Variants in CFAP69 observed in about 807,000 individuals in gnomAD.
CFAP69 encodes the protein cilia and flagella associated protein 69.
Under a neutral mutation model 123.0 loss-of-function variants are expected in CFAP69, and 92 were observed. That is an observed-to-expected ratio of 0.75 (90% confidence interval 0.63 to 0.89). The LOEUF is 0.89. Among genes scored for constraint, CFAP69 ranks in the 40% least tolerant of loss-of-function variants. The pLI is 0.00. For missense variants in CFAP69, 1,067 were observed against 1,096.9 expected (o/e 0.97, Z 0.39); for synonymous variants, 380 against 364.3 (o/e 1.04, Z -0.49).
At chr7:90,302,966 A>G (rs1004063529) in intron 17 of CFAP69, 2 of 152,008 alleles carry the variant, frequency 1.3e-5, no homozygotes, top group African/African-American at 4.8e-5. Context: ...ATGTTTTTCC[A>G]TTTGTTTGTG....
chr7:90,315,210 G>A (rs1240250704), downstream of CFAP69, among the ~76,000 whole-genome samples: 1 of 152,076 alleles, frequency 6.6e-6, no homozygotes, highest in Non-Finnish European at 1.5e-5. Flanking sequence ...TCCTCAAAGA[G>A]CTAAAAACAG....
intron 1 of CFAP69, among the ~76,000 whole-genome samples, chr7:90,252,491 C>A (rs1314259196): frequency 6.6e-6 from 1 of 151,974 alleles, no homozygotes; most frequent in Non-Finnish European, 1.5e-5. Flanking sequence ...AACATGGCGA[C>A]ACTCTATCTC....
Position 90,261,995 on chromosome 7 carries a change from G to A in CFAP69, c.295G>A (p.Gly99Arg). 1 of 1,602,386 alleles carries A rather than the reference G, an allele frequency of 6.2e-7. No individual in the cohort carries two copies. Among genetic ancestry groups the A allele is most frequent in the Non-Finnish European group, 8.5e-7 (1 of 1,175,524 alleles). ...ATTTAAAATTCTGAATCTGTGTTCA[G>A]GAAAAATAAAAAACCAGCCTCGTTT... is the stretch of plus-strand genomic sequence containing the variant. ...QIFKILNLCS[G>R]KIKNQPRFIE... Residue 99 changes from glycine (G) to arginine (R), a missense_variant, in exon 4 of 23, where the codon GGA becomes AGA. By Grantham distance (125) the Gly-to-Arg change is moderately radical. Coordinates refer to ENST00000389297, the MANE Select transcript of CFAP69 (RefSeq NM_001039706.3).
Position 90,247,982 on chromosome 7 carries a change from C to T in CFAP69, c.120+2438C>T, listed in dbSNP as rs969228006. 2.0e-5 allele frequency among the ~76,000 whole-genome samples: 3 copies of T among 152,174 alleles called. No homozygotes were observed. In the East Asian group the frequency reaches 5.8e-4, roughly 29 times the overall value. ...ACATCATCATTGTCATTGTCATCAT[C>T]CTTTATCCAGGGAACTAGAGCTCAT... On this transcript the variant is annotated intron_variant, in intron 1 of 22. Transcript: ENST00000389297.
chr7:90,320,270 C>T, the CFAP69 span: 3 of 152,254 alleles, frequency 2.0e-5, no homozygotes, highest in Admixed American at 1.3e-4. Flanking sequence ...GTTTAAGTCT[C>T]AAAGTTACTG....
chr7:90,249,480 T>C (rs1056694637), intron 1 of CFAP69, among the ~76,000 whole-genome samples: 3 of 152,172 alleles, frequency 2.0e-5, no homozygotes, highest in African/African-American at 7.2e-5. Flanking sequence ...TCAGATTGTT[T>C]TTCTAGTATT....
At position 90,306,910 on chromosome 7, in the gene CFAP69, A is replaced by C; in HGVS notation, c.2275A>C (p.Ile759Leu). 1 of 1,502,994 alleles carries C rather than the reference A, an allele frequency of 6.7e-7. No individual in the cohort carries two copies. Among genetic ancestry groups the C allele is most frequent in the Non-Finnish European group, 9.2e-7 (1 of 1,091,558 alleles). The allele number at this position is 1,502,994 out of a possible 1,614,324, so 93.1% of individuals were successfully genotyped here. A position where few individuals can be genotyped will look rare whatever the true frequency, so the allele number is the denominator to read the frequency against. ...HRYLDFKIGE[I>L]WNEIYEEIKL... is the part of the protein sequence containing the mutation. ...AACTTTGTTATAACAGATTGGAGAA[A>C]TATGGAATGAAATATATGAAGAAAT... The change falls in exon 20 of 23, where the codon ATA becomes CTA. Residue 759 changes from isoleucine to leucine, a missense_variant. By Grantham distance (5) the Ile-to-Leu change is conservative. Transcript: ENST00000389297.
At chr7:90,245,591 A>T (rs1253815012) in intron 1 of CFAP69, 47 bp downstream of exon 1, 2 of 1,433,246 alleles carry the variant, frequency 1.4e-6, no homozygotes, top group Non-Finnish European at 1.8e-6. Flanking sequence ...GGTGGGAGTG[A>T]AGTCTCGAGA....
the CFAP69 span, chr7:90,316,737 T>G: frequency 5.3e-5 from 8 of 152,350 alleles, no homozygotes; most frequent in South Asian, 1.7e-3. Flanking sequence ...TTGCCCAGTT[T>G]AGCAAATGTT....
At chr7:90,305,522 A>G (rs1276155050) in intron 19 of CFAP69, among the ~76,000 whole-genome samples, 2 of 150,938 alleles carry the variant, frequency 1.3e-5, no homozygotes, top group Non-Finnish European at 3.0e-5. Context: ...CCTCCCAAGT[A>G]GCTGGGATGA....
Position 90,268,275 on chromosome 7 carries a change from C to T in CFAP69, c.434-11C>T. On this transcript the variant is annotated splice_polypyrimidine_tract_variant and intron_variant, in intron 5 of 22. Coordinates refer to ENST00000389297, the MANE Select transcript of CFAP69 (RefSeq NM_001039706.3). ...GTGTTGTTAAATAGCACCTGTTTATCTTTCTGGCAGGTGACTTAATGAAAA... is the reference window on the plus strand; with the variant it reads ...GTGTTGTTAAATAGCACCTGTTTATTTTTCTGGCAGGTGACTTAATGAAAA... The T allele has an allele frequency of 6.3e-7, 1 of 1,574,826 alleles. No individual in the cohort carries two copies. Among genetic ancestry groups the T allele is most frequent in the Non-Finnish European group, 8.7e-7 (1 of 1,152,260 alleles).
chr7:90,269,470 T>C (rs12154983), intron 6 of CFAP69, among the ~76,000 whole-genome samples: 6,784 of 152,218 alleles, frequency 0.045, 198 homozygotes, highest in South Asian at 0.11. Flanking sequence ...GAAGAAAACC[T>C]AAAGACTGCC....
chr7:90,268,339 A>G lies in CFAP69; in HGVS notation c.487A>G (p.Ile163Val). 1 of 1,610,378 alleles carries G rather than the reference A, an allele frequency of 6.2e-7. No individual in the cohort carries two copies. The highest frequency in any genetic ancestry group is 8.5e-7 in the Non-Finnish European group (1 of 1,178,706). The change falls in exon 6 of 23, where the codon ATT becomes GTT. Residue 163 changes from isoleucine to valine, a missense_variant. Coordinates refer to ENST00000389297, the MANE Select transcript of CFAP69 (RefSeq NM_001039706.3). ...SELRIQICKCIVDFYHAEPPK... is the reference protein window; with the variant it reads ...SELRIQICKCVVDFYHAEPPK... ...ATTGAGGATACAAATTTGTAAGTGT[A>G]TTGTTGATTTTTATCATGCAGAACC...
intron 11 of CFAP69, among the ~76,000 whole-genome samples, chr7:90,279,202 A>G (rs965828911): frequency 6.6e-6 from 1 of 152,142 alleles, no homozygotes; most frequent in Non-Finnish European, 1.5e-5. Flanking sequence ...TATTCACTGT[A>G]GTCATTACCT....
intron 14 of CFAP69, 125 bp downstream of exon 14, chr7:90,286,524 C>CT: frequency 6.3e-6 from 6 of 950,140 alleles, no homozygotes; most frequent in African/African-American, 1.7e-5. Context: ...ATAATTAGAG[C>CT]ATAATTATAT....
In CFAP69 at chr7:90,282,907, A is replaced by T; in HGVS notation, c.1388A>T (p.His463Leu). The T allele has an allele frequency of 6.7e-7, 1 of 1,502,178 alleles. No homozygotes were observed. The highest frequency in any genetic ancestry group is 8.9e-7 in the Non-Finnish European group (1 of 1,127,888). The allele number at this position is 1,502,178 out of a possible 1,614,324, so 93.1% of individuals were successfully genotyped here. ...TTCTCCACAGATCCGTTTTTCAGTC[A>T]TGGTAACAGTTTTCATGGTACAGGT... is the stretch of plus-strand genomic sequence containing the variant. ...WCESEDPFFS[H>L]GNSFHGTGGR... is the part of the protein sequence containing the mutation. The change falls in exon 13 of 23, where the codon CAT (histidine) becomes CTT (leucine). Residue 463 changes from histidine (H) to leucine (L), a missense_variant. Transcript: ENST00000389297.
In CFAP69 at chr7:90,258,144, A is replaced by G. The variant is rs751229281; in HGVS notation, c.227A>G (p.Gln76Arg). Residue 76 changes from glutamine to arginine, a missense_variant, in exon 3 of 23, where the codon CAG becomes CGG. By Grantham distance (43) the Gln-to-Arg change is conservative. Transcript: ENST00000389297. ...CTTAAATTTGTCAAGAAACTGGTACAGTGTTATCAGAATGGACTTGTATCC... is the reference window on the plus strand; with the variant it reads ...CTTAAATTTGTCAAGAAACTGGTACGGTGTTATCAGAATGGACTTGTATCC... ...KQLKFVKKLVQCYQNGLPLRD... is the reference protein window; with the variant it reads ...KQLKFVKKLVRCYQNGLPLRD... 1.2e-5 allele frequency: 19 copies of G among 1,609,324 alleles called. No individual in the cohort carries two copies. In the South Asian group the frequency reaches 1.3e-4, roughly 11 times the overall value.
chr7:90,295,289 C>T (rs562943681), intron 15 of CFAP69, among the ~76,000 whole-genome samples: 3 of 152,316 alleles, frequency 2.0e-5, no homozygotes, highest in African/African-American at 4.8e-5. Context: ...AATTTGCCTT[C>T]AAATCCAGGG....
intron 18 of CFAP69, 123 bp from the exon 19 acceptor site, chr7:90,304,621 C>A (rs952124553): frequency 1.4e-6 from 2 of 1,448,612 alleles, no homozygotes; most frequent in African/African-American, 1.5e-5. Flanking sequence ...TCAAAAGTAA[C>A]TTTGCATTTG....
Sources: gnomAD v4.1 joint callset for allele counts (sites outside exome capture counted in the v4.1 genomes callset) on GRCh38, gnomAD v4.1.1 for gene constraint, MANE v1.5 for transcripts, NCBI Gene and HGNC (gene_info 2026-07-23, HGNC 2026-07-21) for gene names.